The following CDH13 variants were observed in gnomAD, a reference collection of about 807,000 sequenced individuals.
The protein encoded by CDH13 is cadherin 13.
In CDH13, 24 loss-of-function variants were observed where a neutral mutation model predicts 63.8. The ratio of observed to expected loss-of-function variants is 0.38; its 90% CI spans 0.27 to 0.53. The LOEUF is 0.53. Among genes scored for constraint, CDH13 ranks in the 20% least tolerant of loss-of-function variants. CDH13 has a pLI of 0.85. For missense variants in CDH13, 1,049 were observed against 903.1 expected (o/e 1.16, Z -2.07); for synonymous variants, 503 against 355.3 (o/e 1.42, Z -4.67).
At chr16:82,772,399 C>G (rs1410101558) in intron 1 of CDH13, among the ~76,000 whole-genome samples, 2 of 152,050 alleles carry the variant, frequency 1.3e-5, no homozygotes, top group African/African-American at 4.8e-5. Context: ...CTCATGTATA[C>G]CAGCTGCAAT....
At chr16:83,152,398 G>A (rs985478830) in intron 4 of CDH13, among the ~76,000 whole-genome samples, 4 of 152,086 alleles carry the variant, frequency 2.6e-5, no homozygotes, top group African/African-American at 7.2e-5. Context: ...GGAAAATATA[G>A]GTTATAAAAC....
chr16:82,675,712 C>A (rs145006430), intron 1 of CDH13, among the ~76,000 whole-genome samples: 1 of 152,328 alleles, frequency 6.6e-6, no homozygotes, highest in African/African-American at 2.4e-5. Flanking sequence ...GGTTCCCTTC[C>A]TGCCTTTCCT....
At chr16:83,291,625 T>C (rs2089468835) in intron 5 of CDH13, among the ~76,000 whole-genome samples, 1 of 152,162 alleles carries the variant, frequency 6.6e-6, no homozygotes, top group African/African-American at 2.4e-5. Context: ...CAAGATAGTT[T>C]TCTTGGTGGC....
chr16:83,084,624 C>G (rs1283820406), intron 3 of CDH13, among the ~76,000 whole-genome samples: 1 of 152,320 alleles, frequency 6.6e-6, no homozygotes, highest in African/African-American at 2.4e-5. Context: ...TGCAGTGGCT[C>G]ATGCCTGTAA....
intron 2 of CDH13, among the ~76,000 whole-genome samples, chr16:82,910,029 A>G (rs952630395): frequency 3.9e-5 from 6 of 152,094 alleles, no homozygotes; most frequent in Non-Finnish European, 8.8e-5. Flanking sequence ...ATGTACTTGG[A>G]AGTAGTGGCA....
Position 83,540,332 on chromosome 16 carries a change from G to A in CDH13, c.960+53677G>A, listed in dbSNP as rs539613220. The stretch of plus-strand genomic sequence containing the variant: ...ACAAACTGCGTCTGCTGCCCCGAAG[G>A]AGTGCTGAAGACAGTCACCCCCGAT... On this transcript the variant is annotated intron_variant, in intron 7 of 13. Transcript: ENST00000567109. 3.9e-5 allele frequency among the ~76,000 whole-genome samples: 6 copies of A among 152,290 alleles called. 1 individual carries two copies. In the South Asian group the frequency reaches 1.0e-3, roughly 26 times the overall value.
chr16:83,365,511 G>A (rs1056548642), intron 6 of CDH13, among the ~76,000 whole-genome samples: 1 of 152,128 alleles, frequency 6.6e-6, no homozygotes, highest in Non-Finnish European at 1.5e-5. Flanking sequence ...ACTGTTGTAG[G>A]CCAAATGTTG....
At chr16:83,280,246 G>T (rs547622692) in intron 5 of CDH13, among the ~76,000 whole-genome samples, 22 of 152,244 alleles carry the variant, frequency 1.4e-4, no homozygotes, top group South Asian at 1.2e-3. Flanking sequence ...CTGCTGCTTT[G>T]TCGACTAAAT....
intron 7 of CDH13, among the ~76,000 whole-genome samples, chr16:83,505,496 A>G (rs1321493978): frequency 6.7e-6 from 1 of 150,054 alleles, no homozygotes; most frequent in Non-Finnish European, 1.5e-5. Flanking sequence ...AAAGGAGCAC[A>G]GTTCTTGTAA....
intron 10 of CDH13, among the ~76,000 whole-genome samples, chr16:83,698,027 C>G (rs1259004353): frequency 6.6e-6 from 1 of 152,228 alleles, no homozygotes; most frequent in East Asian, 1.9e-4. Flanking sequence ...CACTACCTGT[C>G]TCCCCACACT....
In CDH13 at chr16:83,782,030, C is replaced by T. The variant is rs73247419; in HGVS notation, c.1916-1224C>T. 4.8e-3 allele frequency among the ~76,000 whole-genome samples: 729 copies of T among 152,178 alleles called. 3 individuals carry two copies. Among genetic ancestry groups the T allele is most frequent in the African/African-American group, 0.017 (695 of 41,520 alleles). On this transcript the variant is annotated intron_variant, in intron 12 of 13. Transcript: ENST00000567109. ...CTGCCATCTCACTAGGTGAGCATCACATTAGTCATTGCTGCTCCTGTCACC... is the reference window on the plus strand; with the variant it reads ...CTGCCATCTCACTAGGTGAGCATCATATTAGTCATTGCTGCTCCTGTCACC...
intron 1 of CDH13, among the ~76,000 whole-genome samples, chr16:82,771,625 T>C (rs546821044): frequency 1.8e-4 from 27 of 152,266 alleles, no homozygotes; most frequent in Admixed American, 3.9e-4. Flanking sequence ...GTATCGGAAT[T>C]GGGATTTGAG....
At chr16:83,165,169 G>T (rs1329950787) in intron 4 of CDH13, among the ~76,000 whole-genome samples, 1 of 151,922 alleles carries the variant, frequency 6.6e-6, no homozygotes, top group East Asian at 1.9e-4. Flanking sequence ...AGAGGATCAA[G>T]GGAAAAAGGC....
At chr16:82,818,411 A>G (rs555062064) in intron 1 of CDH13, among the ~76,000 whole-genome samples, 235 of 152,292 alleles carry the variant, frequency 1.5e-3, no homozygotes, top group African/African-American at 5.3e-3. Context: ...GAAAGAAGGA[A>G]CCCTAAGTAT....
At chr16:83,756,149 A>T (rs561039055) in intron 11 of CDH13, among the ~76,000 whole-genome samples, 9 of 152,300 alleles carry the variant, frequency 5.9e-5, no homozygotes, top group Admixed American at 5.2e-4. Context: ...TAATAGAAGG[A>T]AATAGGTTTG....
intron 8 of CDH13, among the ~76,000 whole-genome samples, chr16:83,604,589 C>T (rs530354415): frequency 6.6e-6 from 1 of 152,114 alleles, no homozygotes; most frequent in Non-Finnish European, 1.5e-5. Flanking sequence ...GTTTCTCATT[C>T]TTCTTTGGCC....
chr16:83,300,836 G>C (rs991718672), intron 5 of CDH13, among the ~76,000 whole-genome samples: 1 of 152,114 alleles, frequency 6.6e-6, no homozygotes, highest in East Asian at 1.9e-4. Context: ...TGTATGTGAT[G>C]TTTTTAGAAC....
chr16:82,942,402 C>T (rs1209767977), intron 2 of CDH13, among the ~76,000 whole-genome samples: 1 of 152,170 alleles, frequency 6.6e-6, no homozygotes, highest in Non-Finnish European at 1.5e-5. Flanking sequence ...AAATTTTAAT[C>T]ATCTTCCTTT....
intron 1 of CDH13, among the ~76,000 whole-genome samples, chr16:82,628,965 T>G (rs1310928653): frequency 6.6e-6 from 1 of 152,244 alleles, no homozygotes; most frequent in East Asian, 1.9e-4. Context: ...CAGGATGTCC[T>G]ATGCAATGCA....
Sources: allele counts gnomAD v4.1 joint callset (sites outside exome capture counted in the v4.1 genomes callset), GRCh38; gene constraint gnomAD v4.1.1; transcripts MANE v1.5; gene names NCBI Gene and HGNC (gene_info 2026-07-23, HGNC 2026-07-21).